The following EFCAB8 variants were observed in gnomAD, a reference collection of about 807,000 sequenced individuals.
EFCAB8 encodes the protein EF-hand calcium-binding domain-containing protein 8.
In EFCAB8, 100 loss-of-function variants were observed where a neutral mutation model predicts 116.3. That is an observed-to-expected ratio of 0.86 (90% CI 0.73 to 1.02). EFCAB8 has a LOEUF of 1.02. Ranked by LOEUF, EFCAB8 falls within the 50% of genes least tolerant of loss-of-function variation. The probability of loss-of-function intolerance (pLI) is 0.00; values close to 1 mark genes in which losing one functional copy is unlikely to be tolerated. For missense variants in EFCAB8, 1,320 were observed against 1,416.9 expected (o/e 0.93, Z 1.10); for synonymous variants, 558 against 567.9 (o/e 0.98, Z 0.25).
chr20:32,933,807 T>C (rs1244045841), intron 22 of EFCAB8, among the ~76,000 whole-genome samples: 1 of 152,052 alleles, frequency 6.6e-6, no homozygotes, highest in East Asian at 1.9e-4. Flanking sequence ...GGTGAAACCT[T>C]GTCCCTACTA....
chr20:32,954,668 A>G (rs534478370), intron 23 of EFCAB8, among the ~76,000 whole-genome samples: 10 of 152,298 alleles, frequency 6.6e-5, no homozygotes, highest in African/African-American at 2.4e-4. Context: ...TAGCTCTATG[A>G]TCCATCTTCA....
At chr20:32,860,954 G>A (rs2146156617) in intron 1 of EFCAB8, among the ~76,000 whole-genome samples, 1 of 152,144 alleles carries the variant, frequency 6.6e-6, no homozygotes, top group Non-Finnish European at 1.5e-5. Context: ...TGCCCAGGCT[G>A]GTCTCAAATT....
chr20:32,875,885 T>A lies in EFCAB8; in HGVS notation c.209-41T>A, dbSNP rs545804384. On this transcript the variant is annotated intron_variant, in intron 3 of 26. Coordinates refer to ENST00000400522, the MANE Select transcript of EFCAB8 (RefSeq NM_001143967.2). The stretch of plus-strand genomic sequence containing the variant: ...CCGTGGCAGTGATGGGCCGAGGGAC[T>A]TGTGAGGAAGGGGATGATGCTCTCT... 120 of 1,532,634 alleles carry A rather than the reference T, an allele frequency of 7.8e-5. 1 individual carries two copies. The African/African-American group carries it at 1.5e-3, about 19-fold the overall frequency. 94.9% of individuals were successfully genotyped at this position (1,532,634 alleles called of 1,614,324 possible). A position where few individuals can be genotyped will look rare whatever the true frequency, so the allele number is the denominator to read the frequency against.
At chr20:32,912,061 G>C (rs2146246509) in intron 16 of EFCAB8, among the ~76,000 whole-genome samples, 1 of 152,248 alleles carries the variant, frequency 6.6e-6, no homozygotes. Flanking sequence ...TGGTATTATA[G>C]GGCCAGTCCA....
Position 32,961,338 on chromosome 20 carries a change from C to T in EFCAB8, c.3596C>T (p.Pro1199Leu). 1 of 1,483,296 alleles carries T rather than the reference C, an allele frequency of 6.7e-7. No individual in the cohort carries two copies. The highest frequency in any genetic ancestry group is 2.5e-5 in the East Asian group (1 of 40,438). The allele number at this position is 1,483,296 out of a possible 1,614,324, so 91.9% of individuals were successfully genotyped here. A position where few individuals can be genotyped will look rare whatever the true frequency, so the allele number is the denominator to read the frequency against. ...TDSTPAAASSPSSLLSVTASA... is the reference protein window; with the variant it reads ...TDSTPAAASSLSSLLSVTASA... ...AGCACGCCTGCGGCCGCCTCCTCCC[C>T]ATCTTCCTTGTTATCTGTCACTGCC... Residue 1199 changes from proline to leucine, a missense_variant, in exon 27 of 27, where the codon CCA (proline) becomes CTA (leucine). Physicochemically the swap from Pro to Leu is moderately conservative, Grantham distance 98. Coordinates refer to ENST00000400522, the MANE Select transcript of EFCAB8 (RefSeq NM_001143967.2).
chr20:32,940,915 G>T (rs1988385830), intron 22 of EFCAB8, among the ~76,000 whole-genome samples: 2 of 149,696 alleles, frequency 1.3e-5, no homozygotes, highest in Non-Finnish European at 3.0e-5. Context: ...GCAATGGTTG[G>T]CTGGGATGTG....
chr20:32,960,553 C>T (rs1222057162), intron 26 of EFCAB8, among the ~76,000 whole-genome samples: 2 of 152,242 alleles, frequency 1.3e-5, no homozygotes, highest in East Asian at 3.8e-4. Flanking sequence ...GGCATCATGC[C>T]AGGCCCATAG....
intron 1 of EFCAB8, among the ~76,000 whole-genome samples, chr20:32,861,104 T>A (rs558456538): frequency 6.6e-6 from 1 of 152,306 alleles, no homozygotes; most frequent in African/African-American, 2.4e-5. Context: ...AGATTCATCC[T>A]TCTGATGTTT....
In EFCAB8 at chr20:32,961,463, C is replaced by G. The variant is rs535455043; in HGVS notation, c.3721C>G (p.Pro1241Ala). The change falls in exon 27 of 27, where the codon CCC becomes GCC. Residue 1241 changes from proline (P) to alanine (A), a missense_variant. By Grantham distance (27) the Pro-to-Ala change is conservative. Transcript: ENST00000400522. Reference protein sequence around the residue: ...PQSASTAHSTPSVPSPVSKST... With the variant: ...PQSASTAHSTASVPSPVSKST... Reference sequence around the variant, plus strand: ...GTCAGCCTCCACAGCCCATTCCACCCCCTCGGTCCCATCCCCGGTGTCCAA... The same window carrying G: ...GTCAGCCTCCACAGCCCATTCCACCGCCTCGGTCCCATCCCCGGTGTCCAA... 5 of 1,451,756 alleles carry G rather than the reference C, an allele frequency of 3.4e-6. No homozygotes were observed. In the Admixed American group the frequency reaches 8.6e-5, roughly 25 times the overall value. The allele number at this position is 1,451,756 out of a possible 1,614,324, so 89.9% of individuals were successfully genotyped here.
At chr20:32,932,753 T>A (rs982213428) in intron 22 of EFCAB8, among the ~76,000 whole-genome samples, 1 of 152,250 alleles carries the variant, frequency 6.6e-6, no homozygotes, top group African/African-American at 2.4e-5. Flanking sequence ...GAATAGTGAA[T>A]GTTATTTCAC....
At chr20:32,886,384 G>T (rs1026348911) in intron 6 of EFCAB8, among the ~76,000 whole-genome samples, 2 of 152,152 alleles carry the variant, frequency 1.3e-5, no homozygotes, top group East Asian at 3.8e-4. Flanking sequence ...GGTCGCCAGG[G>T]CCGTCCAGAA....
At chr20:32,936,267 C>T (rs1406721369) in intron 22 of EFCAB8, among the ~76,000 whole-genome samples, 1 of 152,028 alleles carries the variant, frequency 6.6e-6, no homozygotes, top group Non-Finnish European at 1.5e-5. Context: ...CTCTTGACCT[C>T]AGGCAATCCG....
intron 1 of EFCAB8, among the ~76,000 whole-genome samples, chr20:32,862,732 A>G (rs111239307): frequency 0.033 from 5,043 of 152,194 alleles, 267 homozygotes; most frequent in African/African-American, 0.11. Context: ...GGTTCAAGCA[A>G]TCCTCCTGCC....
chr20:32,958,624 A>C (rs954380661), intron 24 of EFCAB8, 74 bp downstream of exon 24: 1 of 408,460 alleles, frequency 2.4e-6, no homozygotes, highest in African/African-American at 2.1e-5. Flanking sequence ...AGGTCCTGGG[A>C]AGCCTCTACC....
chr20:32,868,831 A>T (rs1398875281), intron 3 of EFCAB8, among the ~76,000 whole-genome samples: 3 of 152,180 alleles, frequency 2.0e-5, no homozygotes, highest in Non-Finnish European at 4.4e-5. Context: ...CTAAAAATAC[A>T]AAAATTAGCT....
chr20:32,889,545 G>C (rs1230069839), intron 7 of EFCAB8, 139 bp downstream of exon 7: 2 of 819,486 alleles, frequency 2.4e-6, no homozygotes, highest in East Asian at 2.7e-5. Flanking sequence ...AGAGGCCTTA[G>C]TGCCAAGTAG....
intron 1 of EFCAB8, 140 bp downstream of exon 1, chr20:32,859,146 C>T (rs1983971645): frequency 1.7e-5 from 7 of 422,264 alleles, no homozygotes; most frequent in South Asian, 1.3e-4. Flanking sequence ...CTTAAGTCAT[C>T]TGCCTCTACA....
chr20:32,865,279 T>C (rs1183262240), intron 2 of EFCAB8, among the ~76,000 whole-genome samples: 1 of 151,072 alleles, frequency 6.6e-6, no homozygotes, highest in African/African-American at 2.4e-5. Flanking sequence ...GGGTAGGGGT[T>C]CACCTCTAGG....
intron 4 of EFCAB8, among the ~76,000 whole-genome samples, chr20:32,877,229 G>A (rs1162252026): frequency 1.8e-5 from 1 of 56,358 alleles, no homozygotes; most frequent in African/African-American, 3.9e-5. Flanking sequence ...TTTTTTTTGA[G>A]ATGGAGTCTT....
Sources: allele counts gnomAD v4.1 joint callset (sites outside exome capture counted in the v4.1 genomes callset), GRCh38; gene constraint gnomAD v4.1.1; transcripts MANE v1.5; gene names NCBI Gene and HGNC (gene_info 2026-07-23, HGNC 2026-07-21).